Variants in CEP112 observed in about 807,000 individuals in gnomAD.
The protein encoded by CEP112 is centrosomal protein of 112 kDa.
Under a neutral mutation model 153.0 loss-of-function variants are expected in CEP112, and 127 were observed. The ratio of observed to expected loss-of-function variants is 0.83; its 90% CI spans 0.72 to 0.96. The LOEUF is 0.96. Among genes scored for constraint, CEP112 ranks in the 40% least tolerant of loss-of-function variants. CEP112 has a pLI of 0.00. For synonymous variants in CEP112, 358 were observed against 374.4 expected (o/e 0.96, Z 0.51); for missense variants, 1,089 against 1,101.2 (o/e 0.99, Z 0.16).
intron 21 of CEP112, among the ~76,000 whole-genome samples, chr17:65,832,442 CAGAT>C (rs1354400106): frequency 2.7e-5 from 4 of 148,084 alleles, no homozygotes; most frequent in Middle Eastern, 3.2e-3. Context: ...ACTAAAAAGA[CAGAT>C]AGGCCACTAG....
chr17:65,923,610 C>T (rs976573389), intron 19 of CEP112, among the ~76,000 whole-genome samples: 1 of 152,072 alleles, frequency 6.6e-6, no homozygotes, highest in Non-Finnish European at 1.5e-5. Context: ...TCTTAGCATT[C>T]ATAATTTTAA....
chr17:65,989,478 GAAA>G (rs35229880), intron 17 of CEP112, among the ~76,000 whole-genome samples: 2 of 146,864 alleles, frequency 1.4e-5, no homozygotes, highest in South Asian at 4.3e-4. Context: ...AGTTCAGAAA[GAAA>G]AAAAAAACTG....
intron 8 of CEP112, among the ~76,000 whole-genome samples, chr17:66,086,937 G>A (rs1427394901): frequency 6.6e-6 from 1 of 151,918 alleles, no homozygotes; most frequent in African/African-American, 2.4e-5. Flanking sequence ...TTACACAGGG[G>A]CAAATCAGCA....
intron 17 of CEP112, among the ~76,000 whole-genome samples, 165 bp downstream of exon 17, chr17:66,005,525 C>T (rs2064236251): frequency 6.6e-6 from 1 of 151,958 alleles, no homozygotes; most frequent in Non-Finnish European, 1.5e-5. Context: ...AAATTACTGG[C>T]TAGTAATAAA....
intron 8 of CEP112, among the ~76,000 whole-genome samples, chr17:66,081,863 C>T (rs549832821): frequency 6.6e-6 from 1 of 152,160 alleles, no homozygotes; most frequent in East Asian, 1.9e-4. Flanking sequence ...TATGGTGAGC[C>T]GAGATTGCGC....
intron 17 of CEP112, among the ~76,000 whole-genome samples, chr17:65,969,906 C>T (rs1000430822): frequency 2.0e-5 from 3 of 152,196 alleles, no homozygotes; most frequent in Non-Finnish European, 4.4e-5. Flanking sequence ...TTAACACATG[C>T]ATATTACATG....
intron 6 of CEP112, among the ~76,000 whole-genome samples, chr17:66,124,422 A>AT (rs1447544570): frequency 2.0e-5 from 3 of 152,214 alleles, no homozygotes; most frequent in Non-Finnish European, 4.4e-5. Flanking sequence ...AAAAAAGTAT[A>AT]TAAAATGTTC....
rs190585190 is a variant in CEP112 at position 66,054,184 on chromosome 17, A to G, written c.1075-305T>C. 2.3e-3 allele frequency among the ~76,000 whole-genome samples: 353 copies of G among 152,220 alleles called. 1 individual carries two copies. The highest frequency in any genetic ancestry group is 8.1e-3 in the African/African-American group (337 of 41,488). On this transcript the variant is annotated intron_variant, in intron 11 of 26. Coordinates refer to ENST00000535342, the MANE Select transcript of CEP112 (RefSeq NM_001199165.4). Reference sequence around the variant, plus strand: ...AATCAGGCAGATAATACAAGTGAACATTACTAGTATTAGTCTGAAATGAGA... The same window carrying G: ...AATCAGGCAGATAATACAAGTGAACGTTACTAGTATTAGTCTGAAATGAGA...
At chr17:66,164,854 C>CAA (rs201821806) in intron 4 of CEP112, among the ~76,000 whole-genome samples, 1 of 144,914 alleles carries the variant, frequency 6.9e-6, no homozygotes, top group Non-Finnish European at 1.5e-5. Context: ...AACTCCATCT[C>CAA]AAAAAAAATA....
chr17:66,162,750 TA>T (rs2071766535), intron 4 of CEP112, among the ~76,000 whole-genome samples: 1 of 152,128 alleles, frequency 6.6e-6, no homozygotes, highest in South Asian at 2.1e-4. Context: ...CAAGAGGTGA[TA>T]AATGACTGGG....
chr17:65,835,063 G>GCTATTATCCTTAGAAAA (rs1257008309), intron 21 of CEP112, among the ~76,000 whole-genome samples: 1 of 151,924 alleles, frequency 6.6e-6, no homozygotes, highest in African/African-American at 2.4e-5. Context: ...GGAGATGGAG[G>GCTATTATCCTTAGAAAA]CTATTATCCT....
At chr17:66,171,907 T>C (rs777638839) in intron 4 of CEP112, among the ~76,000 whole-genome samples, 15 of 152,178 alleles carry the variant, frequency 9.9e-5, no homozygotes, top group Non-Finnish European at 2.2e-4. Flanking sequence ...AGCTCCTTCA[T>C]TGTCATTCCT....
chr17:65,667,983 G>A (rs2046782543), intron 24 of CEP112, among the ~76,000 whole-genome samples: 2 of 151,290 alleles, frequency 1.3e-5, no homozygotes, highest in African/African-American at 4.9e-5. Context: ...TGCAACCTCA[G>A]CCTCCCAGAT....
intron 21 of CEP112, among the ~76,000 whole-genome samples, chr17:65,776,255 G>T (rs902924050): frequency 7.3e-5 from 11 of 151,682 alleles, no homozygotes; most frequent in African/African-American, 2.4e-4. Context: ...TTTTTTTTGA[G>T]ACGGAGTCTC....
chr17:66,120,812 T>G (rs1310711249), intron 6 of CEP112, among the ~76,000 whole-genome samples: 4 of 152,214 alleles, frequency 2.6e-5, no homozygotes, highest in Non-Finnish European at 5.9e-5. Context: ...CAGCTTTTGG[T>G]TTCACTGATT....
chr17:65,678,251 G>A (rs2047335562), intron 24 of CEP112, among the ~76,000 whole-genome samples: 1 of 152,118 alleles, frequency 6.6e-6, no homozygotes, highest in Non-Finnish European at 1.5e-5. Context: ...AGCCTTGATA[G>A]AATACTGTGG....
At chr17:65,991,240 T>G (rs772025989) in intron 17 of CEP112, among the ~76,000 whole-genome samples, 2 of 152,230 alleles carry the variant, frequency 1.3e-5, no homozygotes, top group Admixed American at 6.5e-5. Context: ...TATAATTCAT[T>G]GAATTCTAGG....
chr17:65,760,060 A>G (rs2052521383), intron 21 of CEP112, among the ~76,000 whole-genome samples: 1 of 152,140 alleles, frequency 6.6e-6, no homozygotes, highest in Non-Finnish European at 1.5e-5. Flanking sequence ...TTAAAATTCC[A>G]CTTATTCATT....
intron 12 of CEP112, among the ~76,000 whole-genome samples, chr17:66,051,146 A>ATT (rs55855547): frequency 2.1e-3 from 300 of 145,404 alleles, no homozygotes; most frequent in African/African-American, 6.7e-3. Flanking sequence ...GGCCTAGCTA[A>ATT]TTTTTTTTTT....
Sources: gnomAD v4.1 joint callset for allele counts (sites outside exome capture counted in the v4.1 genomes callset) on GRCh38, gnomAD v4.1.1 for gene constraint, MANE v1.5 for transcripts, NCBI Gene and HGNC (gene_info 2026-07-23, HGNC 2026-07-21) for gene names.